IKBKB: variants seen among roughly 807,000 people sequenced by gnomAD.
IKBKB encodes the protein inhibitor of nuclear factor kappa B kinase subunit beta.
In IKBKB, 42 loss-of-function variants were observed where a neutral mutation model predicts 113.6. The ratio of observed to expected loss-of-function variants is 0.37; its 90% CI spans 0.29 to 0.48. IKBKB has a LOEUF of 0.48. Ranked by LOEUF, IKBKB falls within the 20% of genes least tolerant of loss-of-function variation. The pLI, the probability that IKBKB is intolerant of heterozygous loss-of-function variation, is 0.99. For missense variants in IKBKB, 673 were observed against 939.7 expected (o/e 0.72, Z 3.71); for synonymous variants, 296 against 361.3 (o/e 0.82, Z 2.05).
At chr8:42,305,869 C>G (rs1435884794) in intron 6 of IKBKB, among the ~76,000 whole-genome samples, 1 of 152,276 alleles carries the variant, frequency 6.6e-6, no homozygotes, top group Non-Finnish European at 1.5e-5. Context: ...TGAATGAGTT[C>G]TTAGATCACC....
chr8:42,272,205 G>C lies in IKBKB; in HGVS notation c.105G>C (p.Gln35His). The C allele has an allele frequency of 6.2e-7, 1 of 1,614,160 alleles. No individual in the cohort carries two copies. The highest frequency in any genetic ancestry group is 8.5e-7 in the Non-Finnish European group (1 of 1,180,034). Reference sequence around the variant, plus strand: ...GAAATGTCATCCGATGGCACAATCAGGTAGGCCCTCTGTGCAGCTTGGGGA... The same window carrying C: ...GAAATGTCATCCGATGGCACAATCACGTAGGCCCTCTGTGCAGCTTGGGGA... ...GFGNVIRWHN[Q>H]ETGEQIAIKQ... Residue 35 changes from glutamine (Q) to histidine (H), a missense_variant and splice_region_variant, in exon 2 of 22, where the codon CAG (glutamine) becomes CAC (histidine). Around this residue, in one of 2 missense-constraint regions of IKBKB, gnomAD observed 167 missense variants for 301.0 expected, o/e 0.55. Coordinates refer to ENST00000520810, the MANE Select transcript of IKBKB (RefSeq NM_001556.3).
At chr8:42,272,970 A>G (rs1394696638) in intron 2 of IKBKB, among the ~76,000 whole-genome samples, 5 of 148,196 alleles carry the variant, frequency 3.4e-5, no homozygotes, top group African/African-American at 1.0e-4. Context: ...AACCTTAGGC[A>G]GCCTTGGTGC....
intron 2 of IKBKB, among the ~76,000 whole-genome samples, chr8:42,277,724 C>A (rs186631921): frequency 3.3e-5 from 5 of 152,208 alleles, no homozygotes; most frequent in African/African-American, 9.6e-5. Flanking sequence ...CTGGTTCTCC[C>A]GGTGAGTTCC....
At chr8:42,313,724 A>C (rs1294049295) in intron 8 of IKBKB, among the ~76,000 whole-genome samples, 1 of 152,230 alleles carries the variant, frequency 6.6e-6, no homozygotes, top group Admixed American at 6.5e-5. Context: ...ATAAGGAGGC[A>C]GTGGTACTAT....
At chr8:42,321,607 G>T in intron 16 of IKBKB, 1 of 337,020 alleles carries the variant, frequency 3.0e-6, no homozygotes, top group South Asian at 6.1e-5. Flanking sequence ...CTGCAGCCTC[G>T]ACCTCCCAGG....
intron 11 of IKBKB, chr8:42,317,225 A>AG: frequency 2.2e-6 from 1 of 447,290 alleles, no homozygotes; most frequent in South Asian, 2.2e-5. Flanking sequence ...AAAAAAAAAA[A>AG]AGGATGCTGC....
chr8:42,306,315 C>A, intron 6 of IKBKB, 28 bp from the exon 7 acceptor site: 1 of 1,390,434 alleles, frequency 7.2e-7, no homozygotes, highest in Non-Finnish European at 1.0e-6. Flanking sequence ...TCTTATAACC[C>A]TCAGCTTTCT....
At position 42,306,332 on chromosome 8, in the gene IKBKB, T is replaced by G; in HGVS notation, c.478-11T>G. ...TTATAACCCTCAGCTTTCTCCTTCC[T>G]TTTGTTTTAGTTAATACACAAAATT... is the stretch of plus-strand genomic sequence containing the variant. On this transcript the variant is annotated splice_polypyrimidine_tract_variant and intron_variant, in intron 6 of 21. Transcript: ENST00000520810. 6.4e-7 allele frequency: 1 copy of G among 1,566,582 alleles called. No homozygotes were observed. The highest frequency in any genetic ancestry group is 2.2e-5 in the East Asian group (1 of 44,610).
rs1820702577 is a variant in IKBKB, at chr8:42,326,173, T to G, written c.2114+76T>G. 3.2e-6 allele frequency: 5 copies of G among 1,551,518 alleles called. No homozygotes were observed. The Admixed American group carries it at 9.0e-5, about 28-fold the overall frequency. The stretch of plus-strand genomic sequence containing the variant: ...GATCGGGGATGGAGGCGTTTGTCAC[T>G]GGTAAATGTCTGTCTGATGGTATTA... On this transcript the variant is annotated intron_variant, in intron 20 of 21. Transcript: ENST00000520810.
intron 20 of IKBKB, among the ~76,000 whole-genome samples, chr8:42,328,569 G>C (rs576511121): frequency 4.5e-4 from 69 of 152,298 alleles, no homozygotes; most frequent in African/African-American, 1.6e-3. Flanking sequence ...ACAGCATAGA[G>C]CTGAGGTTAG....
intron 5 of IKBKB, chr8:42,298,209 T>C (rs1349046967): frequency 1.0e-6 from 1 of 985,302 alleles, no homozygotes; most frequent in African/African-American, 1.7e-5. Flanking sequence ...TGTGGTGCTC[T>C]CTCCTGCCTG....
intron 5 of IKBKB, chr8:42,298,047 C>T (rs772975580): frequency 6.1e-6 from 6 of 977,286 alleles, no homozygotes; most frequent in Admixed American, 1.2e-4. Context: ...TGGACTGCCA[C>T]GTAATGTGAC....
chr8:42,322,539 T>C (rs1286951318), intron 19 of IKBKB, 45 bp downstream of exon 19: 4 of 1,605,162 alleles, frequency 2.5e-6, no homozygotes, highest in Admixed American at 1.7e-5. Flanking sequence ...AGCAGCCTCC[T>C]GTGCCTTTCC....
chr8:42,306,501 C>A, intron 7 of IKBKB, 69 bp downstream of exon 7: 1 of 1,030,376 alleles, frequency 9.7e-7, no homozygotes, highest in Non-Finnish European at 1.5e-6. Context: ...GGCTCCTGTC[C>A]TGCCTTGCTC....
intron 20 of IKBKB, 168 bp downstream of exon 20, chr8:42,326,265 C>G: frequency 2.7e-6 from 2 of 745,114 alleles, no homozygotes; most frequent in Non-Finnish European, 4.3e-6. Context: ...ATGTTTGGCT[C>G]TCATAGTCCC....
intron 12 of IKBKB, 113 bp from the exon 13 acceptor site, chr8:42,318,439 C>G (rs1819109433): frequency 3.3e-6 from 4 of 1,205,610 alleles, no homozygotes; most frequent in Non-Finnish European, 4.8e-6. Flanking sequence ...TTACATGATC[C>G]TATAGTAGGT....
intron 11 of IKBKB, chr8:42,317,127 G>T (rs980530748): frequency 1.7e-6 from 1 of 605,864 alleles, no homozygotes; most frequent in African/African-American, 1.8e-5. Flanking sequence ...CTCCAAGACC[G>T]GTCTCTTGCC....
intron 21 of IKBKB, chr8:42,330,187 T>G: frequency 1.0e-6 from 1 of 985,376 alleles, no homozygotes; most frequent in Non-Finnish European, 1.2e-6. Context: ...GCCACAGTGG[T>G]ACTGACGTCG....
At chr8:42,297,732 T>C (rs1372979717) in intron 5 of IKBKB, among the ~76,000 whole-genome samples, 1 of 151,962 alleles carries the variant, frequency 6.6e-6, no homozygotes, top group African/African-American at 2.4e-5. Flanking sequence ...CCATCTCTAC[T>C]AAAAATACAA....
Sources: allele counts gnomAD v4.1 joint callset (sites outside exome capture counted in the v4.1 genomes callset), GRCh38; gene constraint gnomAD v4.1.1; regional missense constraint gnomAD v4.1.1; transcripts MANE v1.5; gene names NCBI Gene and HGNC (gene_info 2026-07-23, HGNC 2026-07-21).